The following ELP1 variants were observed in gnomAD, a reference collection of about 807,000 sequenced individuals.
ELP1 encodes the protein elongator complex protein 1.
A neutral mutation model predicts 183.2 loss-of-function variants in ELP1; 131 were observed. The observed-to-expected ratio is 0.72, with a 90% CI of 0.62 to 0.83. The LOEUF is 0.83. Among genes scored for constraint, ELP1 ranks in the 40% least tolerant of loss-of-function variants. The pLI, the probability that ELP1 is intolerant of heterozygous loss-of-function variation, is 0.00. For missense variants in ELP1, 1,550 were observed against 1,594.9 expected, an observed-to-expected ratio of 0.97 and a Z score of 0.48; for synonymous variants, 555 against 569.0, an observed-to-expected ratio of 0.98 and a Z score of 0.35.
At chr9:108,921,991 G>A (rs146479046) in intron 6 of ELP1, among the ~76,000 whole-genome samples, 70 of 152,220 alleles carry the variant, frequency 4.6e-4, no homozygotes, top group African/African-American at 1.6e-3. Flanking sequence ...AGAATACTGA[G>A]GCTCAGAAAC....
Position 108,891,298 on chromosome 9 carries a change from A to T in ELP1, c.3065T>A (p.Phe1022Tyr). ...CGAHEKALSA[F>Y]LTCGNWKQAL... ...TTGCTTCCAGTTGCCACATGTCAGAAAGGCTGAGAGAGCTTTCTCGTGGGC... is the reference window on the plus strand; with the variant it reads ...TTGCTTCCAGTTGCCACATGTCAGATAGGCTGAGAGAGCTTTCTCGTGGGC... The change falls in exon 28 of 37, where the codon TTT becomes TAT. Residue 1022 changes from phenylalanine (F) to tyrosine (Y), a missense_variant. Physicochemically the swap from Phe to Tyr is conservative, Grantham distance 22 (BLOSUM62 3). Transcript: ENST00000374647. 1 of 1,614,180 alleles carries T rather than the reference A, an allele frequency of 6.2e-7. No homozygotes were observed. Among genetic ancestry groups the T allele is most frequent in the South Asian group, 1.1e-5 (1 of 91,080 alleles).
At chr9:108,873,736 G>A (rs1037816510) in intron 36 of ELP1, among the ~76,000 whole-genome samples, 1 of 152,150 alleles carries the variant, frequency 6.6e-6, no homozygotes, top group Non-Finnish European at 1.5e-5. Context: ...TGGGAAATAA[G>A]TGGGCTGGGC....
intron 5 of ELP1, among the ~76,000 whole-genome samples, chr9:108,924,722 C>T (rs1829772029): frequency 6.6e-6 from 1 of 152,138 alleles, no homozygotes; most frequent in Non-Finnish European, 1.5e-5. Flanking sequence ...GAGCTTCAGC[C>T]TTATATTTGC....
At chr9:108,903,798 AATAC>A in intron 14 of ELP1, 129 bp from the exon 15 acceptor site, 1 of 711,452 alleles carries the variant, frequency 1.4e-6, no homozygotes, top group East Asian at 2.7e-5. Context: ...ATGTAGACAA[AATAC>A]ATATATACAC....
intron 3 of ELP1, among the ~76,000 whole-genome samples, chr9:108,928,500 C>T (rs544278452): frequency 3.7e-4 from 56 of 152,058 alleles, no homozygotes; most frequent in Non-Finnish European, 6.2e-4. Flanking sequence ...AGTGTAGAGG[C>T]ACAAAGCCAG....
chr9:108,874,682 T>C (rs1219180915), intron 36 of ELP1, among the ~76,000 whole-genome samples: 1 of 152,218 alleles, frequency 6.6e-6, no homozygotes, highest in Non-Finnish European at 1.5e-5. Flanking sequence ...ACAATGGTCA[T>C]GCTGGATTTT....
At chr9:108,890,081 G>A (rs1396024721) in intron 28 of ELP1, among the ~76,000 whole-genome samples, 4 of 152,126 alleles carry the variant, frequency 2.6e-5, no homozygotes, top group Admixed American at 2.6e-4. Context: ...CATAAGACAT[G>A]GGAAATAGCA....
chr9:108,893,227 G>A, intron 26 of ELP1, 144 bp from the exon 27 acceptor site: 1 of 685,894 alleles, frequency 1.5e-6, no homozygotes, highest in Middle Eastern at 3.9e-4. Context: ...TGGGATCCTG[G>A]AATTTGAATT....
At chr9:108,896,816 G>A (rs1485313159) in intron 24 of ELP1, 137 bp downstream of exon 24, 2 of 1,062,234 alleles carry the variant, frequency 1.9e-6, no homozygotes, top group African/African-American at 1.6e-5. Context: ...GAAAAAAACT[G>A]ACAAGGGTCT....
Position 108,929,853 on chromosome 9 carries a change from A to C in ELP1, c.219T>G (p.Gly73=), listed in dbSNP as rs1482293693. The change falls in exon 3 of 37, where the codon GGT becomes GGG. Residue 73 remains glycine (G), a synonymous_variant. Coordinates refer to ENST00000374647, the MANE Select transcript of ELP1 (RefSeq NM_003640.5). ...ACTCCTGATCCAGCAAGTCCTGAAC[A>C]CCAACAATGCGGCCACTTCCATCCT... ...LPEDGSGRIV[G]VQDLLDQESV... 6.2e-7 allele frequency: 1 copy of C among 1,613,982 alleles called. No individual in the cohort carries two copies. Among genetic ancestry groups the C allele is most frequent in the Non-Finnish European group, 8.5e-7 (1 of 1,180,034 alleles).
intron 29 of ELP1, 67 bp downstream of exon 29, chr9:108,889,265 A>C: frequency 2.2e-6 from 3 of 1,355,914 alleles, no homozygotes; most frequent in South Asian, 2.3e-5. Context: ...TTTCATGATC[A>C]CTAAGATACA....
chr9:108,899,359 G>A (rs1274849661), intron 20 of ELP1, among the ~76,000 whole-genome samples: 1 of 151,950 alleles, frequency 6.6e-6, no homozygotes, highest in East Asian at 1.9e-4. Context: ...CAAAACATTA[G>A]TATAGATCTT....
Position 108,869,049 on chromosome 9 carries a change from G to T in ELP1, c.*66C>A. 1 of 1,369,584 alleles carries T rather than the reference G, an allele frequency of 7.3e-7. No individual in the cohort carries two copies. Among genetic ancestry groups the T allele is most frequent in the Non-Finnish European group, 1.0e-6 (1 of 956,546 alleles). 84.8% of individuals were successfully genotyped at this position (1,369,584 alleles called of 1,614,324 possible). Reference sequence around the variant, plus strand: ...AATAGCCAGCCCTCAAAGAGCAAGGGGTGGTAGGACAACAGGAATGAGTGG... The same window carrying T: ...AATAGCCAGCCCTCAAAGAGCAAGGTGTGGTAGGACAACAGGAATGAGTGG... On this transcript the variant is annotated 3_prime_UTR_variant, in exon 37 of 37. Coordinates refer to ENST00000374647, the MANE Select transcript of ELP1 (RefSeq NM_003640.5).
intron 34 of ELP1, among the ~76,000 whole-genome samples, 188 bp from the exon 35 acceptor site, chr9:108,878,337 C>T (rs145280141): frequency 1.2e-3 from 190 of 152,246 alleles, no homozygotes; most frequent in Middle Eastern, 6.8e-3. Flanking sequence ...AAATCAAGCA[C>T]GCTGGGGGGC....
chr9:108,920,861 T>C lies in ELP1; in HGVS notation c.553-1512A>G, dbSNP rs1035216451. On this transcript the variant is annotated intron_variant, in intron 6 of 36. Coordinates refer to ENST00000374647, the MANE Select transcript of ELP1 (RefSeq NM_003640.5). The stretch of plus-strand genomic sequence containing the variant: ...TAGATAACAGGATGCTCGGTTTTTT[T>C]CCCCCATTACCTGGATCATCCTATA... Among the ~76,000 whole-genome samples, 11 of 152,086 alleles carry C rather than the reference T, an allele frequency of 7.2e-5. No homozygotes were observed. In the East Asian group the frequency reaches 9.6e-4, roughly 13 times the overall value.
intron 34 of ELP1, 43 bp from the exon 35 acceptor site, chr9:108,878,192 G>T: frequency 6.5e-7 from 1 of 1,542,906 alleles, no homozygotes. Context: ...TATATTCCCA[G>T]CTCCATTGAC....
intron 12 of ELP1, among the ~76,000 whole-genome samples, chr9:108,909,857 G>A (rs1188724413): frequency 6.6e-6 from 1 of 152,136 alleles, no homozygotes; most frequent in South Asian, 2.1e-4. Flanking sequence ...ATGCAGGGTG[G>A]TACAGGGTTT....
At chr9:108,929,176 A>C (rs764841537) in intron 3 of ELP1, among the ~76,000 whole-genome samples, 5 of 152,264 alleles carry the variant, frequency 3.3e-5, no homozygotes, top group Admixed American at 1.3e-4. Flanking sequence ...AAGTAATGGA[A>C]GAAGATTTAA....
chr9:108,899,227 A>G (rs1272438142), intron 20 of ELP1, among the ~76,000 whole-genome samples: 2 of 151,882 alleles, frequency 1.3e-5, no homozygotes, highest in African/African-American at 2.4e-5. Context: ...TTGAACCCAG[A>G]AGGCAGAGGT....
Sources: allele counts gnomAD v4.1 joint callset (sites outside exome capture counted in the v4.1 genomes callset), GRCh38; gene constraint gnomAD v4.1.1; transcripts MANE v1.5; gene names NCBI Gene and HGNC (gene_info 2026-07-23, HGNC 2026-07-21).